Variants in TMEM272 observed in about 807,000 individuals in gnomAD.
TMEM272 encodes long intergenic non-protein coding RNA 282.
TMEM272 carries 8 observed loss-of-function variants against 3.7 expected under a neutral mutation model. The ratio of observed to expected loss-of-function variants is 2.17; its 90% CI spans 1.27 to 3.91. TMEM272 has a LOEUF of 3.91. Ranked by LOEUF, TMEM272 falls within the 30% of genes most tolerant of loss-of-function variation. The pLI is 0.00. For synonymous variants in TMEM272, 63 were observed against 39.8 expected (o/e 1.58, Z -2.20); for missense variants, 166 against 91.5 (o/e 1.81, Z -3.32).
the TMEM272 span, among the ~76,000 whole-genome samples, chr13:51,877,616 A>G: frequency 6.6e-6 from 1 of 152,212 alleles, no homozygotes; most frequent in East Asian, 1.9e-4. Flanking sequence ...AATTTCTCCA[A>G]ATTATTTCCT....
At chr13:51,864,895 G>C in the TMEM272 span, among the ~76,000 whole-genome samples, 1 of 152,242 alleles carries the variant, frequency 6.6e-6, no homozygotes, top group Non-Finnish European at 1.5e-5. Flanking sequence ...TCCCCTCTGA[G>C]GTCAGTGGGC....
In TMEM272 at chr13:51,838,553, T is replaced by C. The variant is rs1405263813; in HGVS notation, c.-23A>G. The C allele has an allele frequency of 1.4e-6, 1 of 702,926 alleles. No homozygotes were observed. The highest frequency in any genetic ancestry group is 1.7e-5 in the African/African-American group (1 of 57,256). The allele number at this position is 702,926 out of a possible 1,614,324, so 43.5% of individuals were successfully genotyped here. ...CATTGTTCTTGCTCGCTGACAAAGT[T>C]CTGAGGATCAAAAATAATTCATTAG... is the stretch of plus-strand genomic sequence containing the variant. On this transcript the variant is annotated splice_region_variant and 5_prime_UTR_variant, in exon 2 of 5. Coordinates refer to ENST00000629372, the MANE Select transcript of TMEM272 (RefSeq NM_001351003.2).
At chr13:51,866,804 A>G in the TMEM272 span, among the ~76,000 whole-genome samples, 1 of 152,140 alleles carries the variant, frequency 6.6e-6, no homozygotes, top group African/African-American at 2.4e-5. Context: ...TGGGCAATGC[A>G]TGGGCATGCT....
chr13:51,865,229 CAA>C, the TMEM272 span: 3 of 603,126 alleles, frequency 5.0e-6, no homozygotes, highest in African/African-American at 5.5e-5. Flanking sequence ...ACCATGTGGA[CAA>C]AGAGCAGTGA....
At chr13:51,848,987 G>A (rs961800420), upstream of TMEM272, among the ~76,000 whole-genome samples, 2 of 151,952 alleles carry the variant, frequency 1.3e-5, no homozygotes, top group South Asian at 2.1e-4. Context: ...TCATCCTGAC[G>A]GCTTCCTAAT....
At chr13:51,894,340 G>A in the TMEM272 span, among the ~76,000 whole-genome samples, 2 of 152,204 alleles carry the variant, frequency 1.3e-5, no homozygotes, top group Non-Finnish European at 2.9e-5. Flanking sequence ...TTGTGAGTCA[G>A]GGGACTGGGA....
the TMEM272 span, among the ~76,000 whole-genome samples, chr13:51,872,557 G>A: frequency 1.3e-5 from 2 of 152,214 alleles, no homozygotes; most frequent in Non-Finnish European, 2.9e-5. Flanking sequence ...GGGCTCATGA[G>A]TGCCCAGAAG....
chr13:51,816,935 A>G lies in TMEM272; in HGVS notation c.380T>C (p.Phe127Ser), dbSNP rs1441702065. The part of the protein sequence containing the change: ...LWFILGNYWV[F>S]SVYLPDFLPP... The stretch of plus-strand genomic sequence containing the variant: ...AAGAAAATCAGGCAGGTACACAGAA[A>G]AGACCCAGTAGTTTCCCAGGATGAA... Residue 127 changes from phenylalanine (F) to serine (S), a missense_variant, in exon 5 of 5, where the codon TTT becomes TCT. Physicochemically the swap from Phe to Ser is radical, Grantham distance 155. Transcript: ENST00000629372. 21 of 702,952 alleles carry G rather than the reference A, an allele frequency of 3.0e-5. No individual in the cohort carries two copies. The highest frequency in any genetic ancestry group is 2.3e-4 in the Middle Eastern group (1 of 4,392). 43.5% of individuals were successfully genotyped at this position (702,952 alleles called of 1,614,324 possible).
the TMEM272 span, among the ~76,000 whole-genome samples, chr13:51,879,064 A>AT: frequency 2.0e-3 from 302 of 152,294 alleles, no homozygotes; most frequent in African/African-American, 6.9e-3. Flanking sequence ...ACAGACAAAG[A>AT]TTTTTGAGCT....
intron 1 of TMEM272, among the ~76,000 whole-genome samples, chr13:51,842,217 C>T (rs1021020874): frequency 2.0e-5 from 3 of 152,178 alleles, no homozygotes; most frequent in Non-Finnish European, 2.9e-5. Context: ...AGGAATGTGC[C>T]GCAGGCAGGC....
At chr13:51,863,672 GACACACACACACACACACACAC>G in the TMEM272 span, among the ~76,000 whole-genome samples, 222 of 134,388 alleles carry the variant, frequency 1.7e-3, no homozygotes, top group African/African-American at 5.5e-3. Context: ...CGCGCACACA[GACACACACACACACACACACAC>G]ACACACACAC....
At chr13:51,915,970 G>A in the TMEM272 span, among the ~76,000 whole-genome samples, 6 of 152,246 alleles carry the variant, frequency 3.9e-5, no homozygotes, top group Admixed American at 2.0e-4. Flanking sequence ...CTACTCGGGA[G>A]GCCGAGGCAG....
chr13:51,902,059 C>A, the TMEM272 span, among the ~76,000 whole-genome samples: 7 of 152,164 alleles, frequency 4.6e-5, no homozygotes, highest in Non-Finnish European at 1.0e-4. Flanking sequence ...TGAAAAGAAT[C>A]ACTTGGGATG....
At chr13:51,867,033 G>T in the TMEM272 span, among the ~76,000 whole-genome samples, 2 of 152,194 alleles carry the variant, frequency 1.3e-5, no homozygotes, top group East Asian at 3.8e-4. Context: ...CCTTTATAGG[G>T]AATGCCACAC....
the TMEM272 span, among the ~76,000 whole-genome samples, chr13:51,906,875 C>G: frequency 2.6e-5 from 4 of 152,196 alleles, no homozygotes; most frequent in Non-Finnish European, 4.4e-5. Flanking sequence ...GAAGCTATAC[C>G]CTGACTCCAC....
chr13:51,850,676 T>C, the TMEM272 span, among the ~76,000 whole-genome samples: 1 of 152,248 alleles, frequency 6.6e-6, no homozygotes, highest in Non-Finnish European at 1.5e-5. Flanking sequence ...ATATCTATTT[T>C]TAAAATCATG....
At chr13:51,909,799 T>C in the TMEM272 span, 4 of 1,587,584 alleles carry the variant, frequency 2.5e-6, no homozygotes, top group Non-Finnish European at 1.7e-6. Context: ...GCCTGATCTT[T>C]GATCTTTAGC....
the TMEM272 span, among the ~76,000 whole-genome samples, chr13:51,873,923 G>A: frequency 6.6e-6 from 1 of 152,146 alleles, no homozygotes; most frequent in Non-Finnish European, 1.5e-5. Flanking sequence ...CTTGTGTTTG[G>A]GGAATTTTCC....
intron 3 of TMEM272, 62 bp downstream of exon 3, chr13:51,826,504 C>A (rs1284427490): frequency 7.1e-6 from 5 of 701,252 alleles, no homozygotes; most frequent in Non-Finnish European, 1.3e-5. Flanking sequence ...AGATTACATG[C>A]CTTGGGTCCA....
Sources: allele counts gnomAD v4.1 joint callset (sites outside exome capture counted in the v4.1 genomes callset), GRCh38; gene constraint gnomAD v4.1.1; transcripts MANE v1.5; gene names NCBI Gene and HGNC (gene_info 2026-07-23, HGNC 2026-07-21).